Variants in ROBO2 observed in about 807,000 individuals in gnomAD.
The protein encoded by ROBO2 is roundabout homolog 2.
In ROBO2, 53 loss-of-function variants were observed where a neutral mutation model predicts 160.8. The observed-to-expected ratio is 0.33, with a 90% CI of 0.26 to 0.41. ROBO2 has a LOEUF of 0.41. ROBO2 is among the 10% of genes least tolerant of loss of function. The pLI is 1.00. For missense variants in ROBO2, 1,577 were observed against 1,722.4 expected, an observed-to-expected ratio of 0.92 and a Z score of 1.49; for synonymous variants, 664 against 611.7, an observed-to-expected ratio of 1.09 and a Z score of -1.26.
chr3:77,214,827 C>T lies in ROBO2; in HGVS notation c.388+116487C>T, dbSNP rs904206742. Among the ~76,000 whole-genome samples, 49 of 152,190 alleles carry T rather than the reference C, an allele frequency of 3.2e-4. 1 individual carries two copies. Among genetic ancestry groups the T allele is most frequent in the African/African-American group, 1.1e-3 (45 of 41,496 alleles). ...TCGTCTGTAAAGTATTTTATTCCTC[C>T]TTCACTTATGAAGCTTAGTTTGGCT... On this transcript the variant is annotated intron_variant, in intron 2 of 25. Coordinates refer to ENST00000461745, the Ensembl canonical transcript of ROBO2.
At chr3:75,992,345 C>A (rs1576407174) in intron 2 of ROBO2, among the ~76,000 whole-genome samples, 1 of 152,172 alleles carries the variant, frequency 6.6e-6, no homozygotes, top group East Asian at 1.9e-4. Context: ...ATCTCAGTCA[C>A]ACCAGCCATG....
At chr3:77,145,752 T>C (rs2150476944) in intron 2 of ROBO2, among the ~76,000 whole-genome samples, 1 of 152,344 alleles carries the variant, frequency 6.6e-6, no homozygotes, top group South Asian at 2.1e-4. Flanking sequence ...AAAGATCTTT[T>C]CTGTCACAGC....
intron 2 of ROBO2, among the ~76,000 whole-genome samples, chr3:76,796,579 G>C (rs1177023385): frequency 6.6e-6 from 1 of 151,708 alleles, no homozygotes; most frequent in Non-Finnish European, 1.5e-5. Flanking sequence ...ATAATAAAAT[G>C]ACAATAATAA....
intron 2 of ROBO2, among the ~76,000 whole-genome samples, chr3:76,532,709 G>A (rs1468511954): frequency 6.6e-6 from 1 of 152,090 alleles, no homozygotes; most frequent in African/African-American, 2.4e-5. Context: ...AAAGATGCAT[G>A]TTCTAAGCAA....
At chr3:75,979,252 T>G (rs1280779894) in intron 2 of ROBO2, among the ~76,000 whole-genome samples, 1 of 151,622 alleles carries the variant, frequency 6.6e-6, no homozygotes, top group African/African-American at 2.4e-5. Flanking sequence ...TATGTGGGAC[T>G]GGTGAGGGAT....
chr3:75,939,959 G>T (rs562845618), intron 2 of ROBO2, among the ~76,000 whole-genome samples: 1 of 151,840 alleles, frequency 6.6e-6, no homozygotes, highest in Non-Finnish European at 1.5e-5. Flanking sequence ...ATTGTGACCC[G>T]CAATGTCCAA....
intron 2 of ROBO2, among the ~76,000 whole-genome samples, chr3:76,004,417 C>T (rs1325307453): frequency 2.0e-5 from 3 of 152,206 alleles, no homozygotes; most frequent in East Asian, 3.9e-4. Flanking sequence ...CACTAGGTAA[C>T]ATAGTACTCT....
intron 2 of ROBO2, among the ~76,000 whole-genome samples, chr3:76,921,032 G>A (rs183377937): frequency 1.3e-4 from 20 of 152,290 alleles, no homozygotes; most frequent in Admixed American, 1.2e-3. Flanking sequence ...AGAGAATGGA[G>A]GGTGGGGGGA....
At chr3:77,170,905 T>C (rs574359355) in intron 2 of ROBO2, among the ~76,000 whole-genome samples, 2 of 152,182 alleles carry the variant, frequency 1.3e-5, no homozygotes, top group African/African-American at 2.4e-5. Flanking sequence ...ATTGGGGAGA[T>C]AGTAAGTGCA....
intron 2 of ROBO2, among the ~76,000 whole-genome samples, chr3:76,520,649 A>G (rs193034732): frequency 3.3e-5 from 5 of 152,268 alleles, no homozygotes; most frequent in Admixed American, 3.3e-4. Context: ...GTCCTGGTCT[A>G]TACCACTGTG....
intron 17 of ROBO2, among the ~76,000 whole-genome samples, chr3:77,593,262 A>T (rs780458705): frequency 6.6e-6 from 1 of 151,908 alleles, no homozygotes; most frequent in Non-Finnish European, 1.5e-5. Flanking sequence ...TGGAAAGCTA[A>T]TTAGCTATAC....
chr3:76,567,318 ACAT>A (rs1040442991), intron 2 of ROBO2, among the ~76,000 whole-genome samples: 1 of 152,052 alleles, frequency 6.6e-6, no homozygotes, highest in Admixed American at 6.6e-5. Context: ...GTGATTTTTG[ACAT>A]CATATTCATA....
At chr3:76,592,173 G>A (rs1411721158) in intron 2 of ROBO2, among the ~76,000 whole-genome samples, 3 of 152,012 alleles carry the variant, frequency 2.0e-5, no homozygotes, top group Non-Finnish European at 2.9e-5. Flanking sequence ...ACCTCTCCTA[G>A]ATTAAATTAA....
intron 2 of ROBO2, among the ~76,000 whole-genome samples, chr3:76,557,342 A>G (rs2083858686): frequency 6.6e-6 from 1 of 152,046 alleles, no homozygotes; most frequent in Admixed American, 6.6e-5. Context: ...AAAAATTGAA[A>G]TCTACCAAAA....
At chr3:76,668,711 T>G (rs1560341572) in intron 2 of ROBO2, among the ~76,000 whole-genome samples, 1 of 150,338 alleles carries the variant, frequency 6.7e-6, no homozygotes, top group Non-Finnish European at 1.5e-5. Flanking sequence ...TAAAACATAT[T>G]AAATTCAGAC....
At chr3:76,541,670 C>CTT (rs1311903132) in intron 2 of ROBO2, among the ~76,000 whole-genome samples, 3 of 152,174 alleles carry the variant, frequency 2.0e-5, no homozygotes, top group African/African-American at 7.2e-5. Context: ...AGAGGAGGCG[C>CTT]TTCCCTGGAG....
intron 2 of ROBO2, among the ~76,000 whole-genome samples, chr3:76,419,051 TTTC>T: frequency 6.6e-6 from 1 of 152,312 alleles, no homozygotes; most frequent in Middle Eastern, 3.4e-3. Context: ...GTACCATCCA[TTTC>T]TTTTTTTAAA....
At chr3:77,547,543 C>T (rs1422820796) in intron 7 of ROBO2, among the ~76,000 whole-genome samples, 3 of 152,200 alleles carry the variant, frequency 2.0e-5, no homozygotes, top group Admixed American at 1.3e-4. Context: ...CTGCAACATA[C>T]ATGTGTGCAA....
rs114340091 is a variant in ROBO2 at position 77,464,410 on chromosome 3, T to A, written c.389-13004T>A. ...TAGAGAACAAACTGTGTTTAGGCCC[T>A]AAAAAAAGAAAAGAGCGTGTTACAT... On this transcript the variant is annotated intron_variant, in intron 2 of 25. Transcript: ENST00000461745. Among the ~76,000 whole-genome samples the A allele has an allele frequency of 8.3e-3, 1,257 of 152,056 alleles. 21 individuals are homozygous for A. The highest frequency in any genetic ancestry group is 0.029 in the African/African-American group (1,208 of 41,480).
Sources: allele counts gnomAD v4.1 joint callset (sites outside exome capture counted in the v4.1 genomes callset), GRCh38; gene constraint gnomAD v4.1.1; transcripts MANE v1.5; gene names NCBI Gene and HGNC (gene_info 2026-07-23, HGNC 2026-07-21).